PIEZO2: variants seen among roughly 807,000 people sequenced by gnomAD.
PIEZO2 encodes piezo type mechanosensitive ion channel component 2.
Under a neutral mutation model 337.3 loss-of-function variants are expected in PIEZO2, and 172 were observed. The observed-to-expected ratio is 0.51, with a 90% CI of 0.45 to 0.58. The LOEUF is 0.58. Ranked by LOEUF, PIEZO2 falls within the 20% of genes least tolerant of loss-of-function variation. The pLI is 0.00. For missense variants in PIEZO2, 3,028 were observed against 3,391.3 expected, an observed-to-expected ratio of 0.89 and a Z score of 2.66; for synonymous variants, 1,251 against 1,228.5, an observed-to-expected ratio of 1.02 and a Z score of -0.38.
chr18:10,724,083 C>T lies in PIEZO2; in HGVS notation c.5030-5824G>A, dbSNP rs1598402354. 6.6e-6 allele frequency among the ~76,000 whole-genome samples: 1 copy of T among 152,260 alleles called. No homozygotes were observed. The highest frequency in any genetic ancestry group is 1.9e-4 in the East Asian group (1 of 5,172). On this transcript the variant is annotated intron_variant, in intron 36 of 55. Coordinates refer to ENST00000674853, the MANE Select transcript of PIEZO2 (RefSeq NM_001378183.1). This position sits in a 1 kb window ranked among gnomAD's most constrained non-coding sequence, Gnocchi z 5.8. ...GCTGTGGCTGCACTGTACCACCTCC[C>T]AGATTAAGTGAGTGCTGAGCACAGA...
rs1226056068 is a variant in PIEZO2 at position 11,038,302 on chromosome 18, T to C, written c.160+27825A>G. ...ATTGCTTGCAAGAAAAAGCCACAAA[T>C]CTTTAAACTGCTTAGCTGAGCAATA... On this transcript the variant is annotated intron_variant, in intron 2 of 55. Transcript: ENST00000674853. This position sits in a 1 kb window ranked among gnomAD's most constrained non-coding sequence, Gnocchi z 4.1. 6.6e-6 allele frequency among the ~76,000 whole-genome samples: 1 copy of C among 152,074 alleles called. No individual in the cohort carries two copies. Among genetic ancestry groups the C allele is most frequent in the Non-Finnish European group, 1.5e-5 (1 of 68,026 alleles).
intron 1 of PIEZO2, among the ~76,000 whole-genome samples, chr18:11,120,765 T>A (rs1422761012): frequency 6.6e-6 from 1 of 152,262 alleles, no homozygotes; most frequent in Non-Finnish European, 1.5e-5. Flanking sequence ...CATGTAAACA[T>A]GACTTGAATA....
intron 1 of PIEZO2, among the ~76,000 whole-genome samples, chr18:11,145,376 C>T (rs1450363511): frequency 6.6e-6 from 1 of 151,952 alleles, no homozygotes; most frequent in African/African-American, 2.4e-5. Context: ...AAATCTGTAA[C>T]CATTATATTA....
In PIEZO2 at chr18:10,689,928, C is replaced by A. The variant is rs561523270; in HGVS notation, c.7350-126G>T. The A allele has an allele frequency of 5.3e-6, 6 of 1,131,822 alleles. No individual in the cohort carries two copies. In the African/African-American group the frequency reaches 9.6e-5, roughly 18 times the overall value. 70.1% of individuals were successfully genotyped at this position (1,131,822 alleles called of 1,614,324 possible). ...GACTCAGAAACAATTCTCTAGGTGACCCTTCCAGTAAAACCCAACTTGGAA... is the reference window on the plus strand; with the variant it reads ...GACTCAGAAACAATTCTCTAGGTGAACCTTCCAGTAAAACCCAACTTGGAA... On this transcript the variant is annotated intron_variant, in intron 48 of 55. Transcript: ENST00000674853.
rs1400830935 is a variant in PIEZO2, at chr18:10,954,165, GT to G, written c.286+25369del. ...TTTCAAAATTACTTTGGCTATTGTAGTTTTTTTTCCATATATATTTTAGAGT... is the reference window on the plus strand; with the variant it reads ...TTTCAAAATTACTTTGGCTATTGTAGTTTTTTTCCATATATATTTTAGAGT... On this transcript the variant is annotated intron_variant, in intron 3 of 55. Transcript: ENST00000674853. This position sits in a 1 kb window ranked among gnomAD's most constrained non-coding sequence, Gnocchi z 4.2. 2.6e-5 allele frequency among the ~76,000 whole-genome samples: 4 copies of G among 152,098 alleles called. No homozygotes were observed. Among genetic ancestry groups the G allele is most frequent in the South Asian group, 2.1e-4 (1 of 4,810 alleles).
intron 52 of PIEZO2, among the ~76,000 whole-genome samples, chr18:10,679,474 G>T (rs963475111): frequency 6.6e-6 from 1 of 151,962 alleles, no homozygotes; most frequent in Non-Finnish European, 1.5e-5. Flanking sequence ...TGATTTTTTT[G>T]GAGATTTATA....
intron 52 of PIEZO2, among the ~76,000 whole-genome samples, chr18:10,678,237 A>G (rs1221383964): frequency 6.6e-6 from 1 of 152,248 alleles, no homozygotes; most frequent in Non-Finnish European, 1.5e-5. Context: ...TGTTAAAAAG[A>G]ATATTCAGTC....
rs536693593 is a variant in PIEZO2 at position 10,686,304 on chromosome 18, T to G, written c.7497+3351A>C. On this transcript the variant is annotated intron_variant, in intron 49 of 55. Coordinates refer to ENST00000674853, the MANE Select transcript of PIEZO2 (RefSeq NM_001378183.1). The stretch of plus-strand genomic sequence containing the variant: ...TTCACGTATCCCAAACTCTACATAT[T>G]TGGCTTCTTGAATTTCTCTTCTCTC... Among the ~76,000 whole-genome samples the G allele has an allele frequency of 4.6e-5, 7 of 152,318 alleles. No individual in the cohort carries two copies. The South Asian group carries it at 1.5e-3, about 32-fold the overall frequency.
At chr18:10,997,234 T>A (rs1395398192) in intron 2 of PIEZO2, among the ~76,000 whole-genome samples, 55 of 149,190 alleles carry the variant, frequency 3.7e-4, no homozygotes, top group African/African-American at 1.4e-3. Context: ...CCAACCAGAT[T>A]GACTGCCTGC....
At chr18:11,061,506 C>T (rs1254366059) in intron 2 of PIEZO2, among the ~76,000 whole-genome samples, 4 of 151,942 alleles carry the variant, frequency 2.6e-5, no homozygotes, top group South Asian at 2.1e-4. Context: ...TCTAGAAAAC[C>T]GAATCGTCTC....
At chr18:11,007,711 G>A (rs1238406507) in intron 2 of PIEZO2, among the ~76,000 whole-genome samples, 3 of 152,186 alleles carry the variant, frequency 2.0e-5, no homozygotes, top group Non-Finnish European at 4.4e-5. Flanking sequence ...ATGTTGGAAC[G>A]ACAGGTAAGA....
In PIEZO2 at chr18:11,092,045, A is replaced by G. The variant is rs1219095360; in HGVS notation, c.65-25823T>C. 6.6e-6 allele frequency among the ~76,000 whole-genome samples: 1 copy of G among 152,230 alleles called. No individual in the cohort carries two copies. The highest frequency in any genetic ancestry group is 1.9e-4 in the East Asian group (1 of 5,202). On this transcript the variant is annotated intron_variant, in intron 1 of 55. Coordinates refer to ENST00000674853, the MANE Select transcript of PIEZO2 (RefSeq NM_001378183.1). The surrounding 1 kb of genome is among the most constrained non-coding windows in gnomAD (Gnocchi z 4.5). ...TAAAAGACTCTTTGGAGGGTGTGGC[A>G]AATGTGGTCTTTGATGCAAGGCTTA...
chr18:10,910,457 C>G (rs1328205469), intron 4 of PIEZO2, among the ~76,000 whole-genome samples: 1 of 152,050 alleles, frequency 6.6e-6, no homozygotes, highest in Non-Finnish European at 1.5e-5. Context: ...GTGGTGGGCG[C>G]CTGAGATCCC....
In PIEZO2 at chr18:10,795,512, T is replaced by C. The variant is rs2039567647; in HGVS notation, c.1528-510A>G. Among the ~76,000 whole-genome samples the C allele has an allele frequency of 1.3e-5, 2 of 152,092 alleles. No homozygotes were observed. The highest frequency in any genetic ancestry group is 4.1e-4 in the South Asian group (2 of 4,834). The stretch of plus-strand genomic sequence containing the variant: ...TCAGAATGAGAGATTTGCTGCAGTT[T>C]AAAGTAGCAGTTGATGTACAGAAAA... On this transcript the variant is annotated intron_variant, in intron 12 of 55. Transcript: ENST00000674853. This position sits in a 1 kb window ranked among gnomAD's most constrained non-coding sequence, Gnocchi z 4.4.
In PIEZO2 at chr18:11,097,999, A is replaced by T. The variant is rs1341131695; in HGVS notation, c.65-31777T>A. Among the ~76,000 whole-genome samples the T allele has an allele frequency of 2.0e-5, 3 of 152,304 alleles. No individual in the cohort carries two copies. The East Asian group carries it at 5.8e-4, about 29-fold the overall frequency. ...GAATTAATAATAAAAACTAATGCTC[A>T]TATACTTTAATCCAGTAAACCTACT... On this transcript the variant is annotated intron_variant, in intron 1 of 55. Transcript: ENST00000674853. The surrounding 1 kb of genome is among the most constrained non-coding windows in gnomAD (Gnocchi z 5.0).
In PIEZO2 at chr18:10,672,206, G is replaced by C. The variant is rs60260811; in HGVS notation, c.8346-427C>G. On this transcript the variant is annotated intron_variant, in intron 55 of 55. Coordinates refer to ENST00000674853, the MANE Select transcript of PIEZO2 (RefSeq NM_001378183.1). The surrounding 1 kb of genome is among the most constrained non-coding windows in gnomAD (Gnocchi z 4.7). The stretch of plus-strand genomic sequence containing the variant: ...CTCAGATTAATTTTTATAAAATTCT[G>C]GGTGAAAATCATTTCTTATGAGGCT... Among the ~76,000 whole-genome samples the C allele has an allele frequency of 0.022, 3,338 of 152,094 alleles. 140 individuals carry two copies. The highest frequency in any genetic ancestry group is 0.074 in the African/African-American group (3,074 of 41,450).
In PIEZO2 at chr18:10,945,825, A is replaced by G. The variant is rs2032991350; in HGVS notation, c.286+33710T>C. On this transcript the variant is annotated intron_variant, in intron 3 of 55. Transcript: ENST00000674853. The surrounding 1 kb of genome is among the most constrained non-coding windows in gnomAD (Gnocchi z 4.0). ...AAGTAGATATAGAGAAGACATCAAAAGAAAAAATTGGACTTCTTGAGATAA... is the reference window on the plus strand; with the variant it reads ...AAGTAGATATAGAGAAGACATCAAAGGAAAAAATTGGACTTCTTGAGATAA... 6.6e-6 allele frequency among the ~76,000 whole-genome samples: 1 copy of G among 152,342 alleles called. No homozygotes were observed. Among genetic ancestry groups the G allele is most frequent in the African/African-American group, 2.4e-5 (1 of 41,590 alleles).
At chr18:10,681,582 G>T in intron 51 of PIEZO2, 79 bp downstream of exon 51, 1 of 1,225,806 alleles carries the variant, frequency 8.2e-7, no homozygotes, top group Non-Finnish European at 1.2e-6. Context: ...CTCAGGCCAT[G>T]GCAAAGCATT....
rs1031411093 is a variant in PIEZO2, at chr18:11,111,538, C to T, written c.64+36987G>A. 1.3e-5 allele frequency among the ~76,000 whole-genome samples: 2 copies of T among 152,276 alleles called. No individual in the cohort carries two copies. The highest frequency in any genetic ancestry group is 3.4e-3 in the Middle Eastern group (1 of 294). The stretch of plus-strand genomic sequence containing the variant: ...CCAGGGCCCTCCAAATCTGTGATGC[C>T]GTGGCCATTCTCTATACCACCTTCA... On this transcript the variant is annotated intron_variant, in intron 1 of 55. Coordinates refer to ENST00000674853, the MANE Select transcript of PIEZO2 (RefSeq NM_001378183.1). This position sits in a 1 kb window ranked among gnomAD's most constrained non-coding sequence, Gnocchi z 6.2.
Sources: allele counts gnomAD v4.1 joint callset (sites outside exome capture counted in the v4.1 genomes callset), GRCh38; gene constraint gnomAD v4.1.1; non-coding constraint Gnocchi (gnomAD v3.1); transcripts MANE v1.5; gene names NCBI Gene and HGNC (gene_info 2026-07-23, HGNC 2026-07-21).